The following U2AF2 variants were observed in gnomAD, a reference collection of about 807,000 sequenced individuals.
The protein encoded by U2AF2 is splicing factor U2AF 65 kDa subunit.
In U2AF2, 6 loss-of-function variants were observed where a neutral mutation model predicts 52.6. The ratio of observed to expected loss-of-function variants is 0.11; its 90% CI spans 0.06 to 0.23. U2AF2 has a LOEUF of 0.23. Ranked by LOEUF, U2AF2 falls within the 10% of genes least tolerant of loss-of-function variation. The probability of loss-of-function intolerance (pLI) is 1.00; values close to 1 mark genes in which losing one functional copy is unlikely to be tolerated. For synonymous variants in U2AF2, 284 were observed against 258.2 expected (o/e 1.10, Z -0.96); for missense variants, 222 against 677.1 (o/e 0.33, Z 7.46).
rs772022776 is a variant in U2AF2, at chr19:55,662,579, T to C, written c.564T>C (p.Ala188=). 6.2e-7 allele frequency: 1 copy of C among 1,609,460 alleles called. No homozygotes were observed. Among genetic ancestry groups the C allele is most frequent in the Non-Finnish European group, 8.5e-7 (1 of 1,177,590 alleles). Reference sequence around the variant, plus strand: ...AGGCCCCTGGCAACCCAGTGTTGGCTGTGCAGATTAACCAGGACAAGAATT... The same window carrying C: ...AGGCCCCTGGCAACCCAGTGTTGGCCGTGCAGATTAACCAGGACAAGAATT... ...LTQAPGNPVL[A]VQINQDKNFA... Residue 188 remains alanine (A), a synonymous_variant, in exon 6 of 12, where the codon GCT becomes GCC. Coordinates refer to ENST00000308924, the MANE Select transcript of U2AF2 (RefSeq NM_007279.3).
chr19:55,659,523 T>C (rs1314700193), intron 2 of U2AF2, among the ~76,000 whole-genome samples, 178 bp downstream of exon 2: 2 of 151,660 alleles, frequency 1.3e-5, no homozygotes. Context: ...TCCGATTTTT[T>C]CCCCCGTTTC....
intron 11 of U2AF2, 65 bp downstream of exon 11, chr19:55,669,757 C>T (rs1224805949): frequency 4.0e-6 from 6 of 1,500,676 alleles, no homozygotes; most frequent in Non-Finnish European, 5.3e-6. Context: ...CGCCCTCTTT[C>T]TTCCTCTCTT....
rs948628501 is a variant in U2AF2, at chr19:55,660,702, T to C, written c.334+83T>C. The C allele has an allele frequency of 1.0e-5, 14 of 1,335,376 alleles. No individual in the cohort carries two copies. In the African/African-American group the frequency reaches 2.0e-4, roughly 20 times the overall value. The allele number at this position is 1,335,376 out of a possible 1,614,324, so 82.7% of individuals were successfully genotyped here. ...GTCAGTCATTCCCCTGCGTGTGTGC[T>C]TGGAGGGGGTCAAAGACACAGGTAG... On this transcript the variant is annotated intron_variant, in intron 4 of 11. Transcript: ENST00000308924.
intron 7 of U2AF2, among the ~76,000 whole-genome samples, chr19:55,666,498 C>T (rs1289829110): frequency 6.6e-6 from 1 of 152,202 alleles, no homozygotes; most frequent in Non-Finnish European, 1.5e-5. Context: ...CAGTGTGTGT[C>T]TGGGCTGGGT....
intron 11 of U2AF2, chr19:55,671,428 T>G (rs1984915389): frequency 6.6e-6 from 1 of 151,452 alleles, no homozygotes; most frequent in Admixed American, 6.6e-5. Flanking sequence ...GGCTTTGCGG[T>G]TTCTGAGACA....
intron 5 of U2AF2, 139 bp downstream of exon 5, chr19:55,661,328 A>C: frequency 1.0e-6 from 1 of 999,166 alleles, no homozygotes; most frequent in Non-Finnish European, 1.3e-6. Context: ...AGACGGACCG[A>C]TGGAGTTGAG....
chr19:55,664,250 A>G (rs372642341), intron 7 of U2AF2, among the ~76,000 whole-genome samples: 1 of 152,240 alleles, frequency 6.6e-6, no homozygotes, highest in Admixed American at 6.5e-5. Flanking sequence ...TAGGTAACAT[A>G]GCAGACCAGG....
chr19:55,672,444 C>T (rs1031892939), intron 11 of U2AF2, among the ~76,000 whole-genome samples: 1 of 152,046 alleles, frequency 6.6e-6, no homozygotes, highest in Non-Finnish European at 1.5e-5. Context: ...GGTCAGATAA[C>T]TTCTCTGTGG....
chr19:55,660,652 G>A (rs1984123426), intron 4 of U2AF2, 33 bp downstream of exon 4: 2 of 1,595,156 alleles, frequency 1.3e-6, no homozygotes, highest in East Asian at 4.5e-5. Context: ...CCCAGAGCGG[G>A]AGGGTACAGG....
chr19:55,663,792 C>G (rs751454134), intron 7 of U2AF2, 48 bp downstream of exon 7: 5 of 1,608,152 alleles, frequency 3.1e-6, no homozygotes, highest in Non-Finnish European at 4.3e-6. Flanking sequence ...AGTCCTGTTC[C>G]CATGGCCTGT....
rs773074667 is a variant in U2AF2 at position 55,659,271 on chromosome 19, C to G, written c.111C>G (p.Arg37=). The part of the protein sequence containing the change: ...RSHSRSRSRD[R]KRRSRSRDRR... ...ACAGCCGCTCTCGGAGCCGGGACCG[C>G]AAACGCCGGAGCCGGAGCCGCGACC... The change falls in exon 2 of 12, where the codon CGC becomes CGG. Residue 37 remains arginine, a synonymous_variant. Transcript: ENST00000308924. The G allele has an allele frequency of 1.9e-5, 30 of 1,603,352 alleles. No homozygotes were observed. The highest frequency in any genetic ancestry group is 2.0e-5 in the Non-Finnish European group (24 of 1,174,446).
intron 5 of U2AF2, 100 bp downstream of exon 5, chr19:55,661,289 G>A: frequency 8.0e-7 from 1 of 1,252,430 alleles, no homozygotes; most frequent in Non-Finnish European, 1.0e-6. Context: ...GTCAGACTCT[G>A]CTCCTGCAAG....
intron 7 of U2AF2, among the ~76,000 whole-genome samples, chr19:55,666,671 C>T (rs1346524158): frequency 6.6e-6 from 1 of 152,262 alleles, no homozygotes; most frequent in Non-Finnish European, 1.5e-5. Context: ...GATGAAGACA[C>T]TGAGGCCCTT....
chr19:55,670,497 G>A, intron 11 of U2AF2: 1 of 375,730 alleles, frequency 2.7e-6, no homozygotes, highest in Non-Finnish European at 5.5e-6. Flanking sequence ...GCACCCTGCT[G>A]TCCGTGCACC....
chr19:55,670,678 G>T, intron 11 of U2AF2: 1 of 235,430 alleles, frequency 4.2e-6, no homozygotes, highest in Non-Finnish European at 8.5e-6. Flanking sequence ...GAGGTGGTGG[G>T]GCCAGGGCTG....
At chr19:55,660,927 G>T in intron 4 of U2AF2, 111 bp from the exon 5 acceptor site, 3 of 1,474,866 alleles carry the variant, frequency 2.0e-6, no homozygotes, top group South Asian at 1.4e-5. Context: ...TGCTAAGACC[G>T]AGAGCCTGTA....
intron 7 of U2AF2, among the ~76,000 whole-genome samples, chr19:55,664,992 A>T (rs1158721802): frequency 1.3e-5 from 2 of 152,178 alleles, no homozygotes; most frequent in African/African-American, 2.4e-5. Flanking sequence ...TGTTGGGATT[A>T]CAGGCATGAG....
chr19:55,665,129 C>T (rs1368401034), intron 7 of U2AF2, among the ~76,000 whole-genome samples: 1 of 152,176 alleles, frequency 6.6e-6, no homozygotes, highest in East Asian at 1.9e-4. Context: ...GTGCGTTTCC[C>T]CGATCAAGCT....
At chr19:55,658,588 C>T (rs1600069878) in intron 1 of U2AF2, among the ~76,000 whole-genome samples, 1 of 152,122 alleles carries the variant, frequency 6.6e-6, no homozygotes, top group Admixed American at 6.5e-5. Flanking sequence ...CTCCCCTGAC[C>T]TGCTGAAGGA....
Sources: gnomAD v4.1 joint callset for allele counts (sites outside exome capture counted in the v4.1 genomes callset) on GRCh38, gnomAD v4.1.1 for gene constraint, MANE v1.5 for transcripts, NCBI Gene and HGNC (gene_info 2026-07-23, HGNC 2026-07-21) for gene names.